JRKL: variants seen among roughly 807,000 people sequenced by gnomAD.
JRKL encodes the protein jerky protein homolog-like.
In JRKL, 25 loss-of-function variants were observed where a neutral mutation model predicts 34.7. The observed-to-expected ratio is 0.72, with a 90% CI of 0.53 to 1.01. The LOEUF (loss-of-function observed/expected upper bound fraction) is 1.01, where lower values mean the gene tolerates loss of function less well. Ranked by LOEUF, JRKL falls within the 50% of genes least tolerant of loss-of-function variation. The pLI, the probability that JRKL is intolerant of heterozygous loss-of-function variation, is 0.00. For synonymous variants in JRKL, 204 were observed against 212.8 expected (o/e 0.96, Z 0.36); for missense variants, 495 against 615.7 (o/e 0.80, Z 2.07).
In JRKL at chr11:96,391,029, C is replaced by G. The variant is rs747629344; in HGVS notation, c.380C>G (p.Thr127Ser). 6.2e-7 allele frequency: 1 copy of G among 1,614,194 alleles called. No individual in the cohort carries two copies. Among genetic ancestry groups the G allele is most frequent in the African/African-American group, 1.3e-5 (1 of 75,034 alleles). Residue 127 changes from threonine to serine, a missense_variant, in exon 2 of 2, where the codon ACT becomes AGT. Transcript: ENST00000332349. ...TTTAACCCCTCTGCCGGTTGGCTAA[C>G]TCGTTTTAAGCAGCGGCACAGCATT... Reference protein sequence around the residue: ...GDFNPSAGWLTRFKQRHSIRE... With the variant: ...GDFNPSAGWLSRFKQRHSIRE...
In JRKL at chr11:96,390,970, GTTC is replaced by G. The variant is rs746708322; in HGVS notation, c.327_329del (p.Phe110del). On this transcript the variant is annotated inframe_deletion, in exon 2 of 2. Transcript: ENST00000332349. Reference sequence around the variant, plus strand: ...GACCAATTTGTGCAAAAAGGGCAGAGTTCTTCTTTTATGCTTTGGGAATGGATG... The same window carrying G: ...GACCAATTTGTGCAAAAAGGGCAGAGTTCTTTTATGCTTTGGGAATGGATG... The G allele has an allele frequency of 6.8e-6, 11 of 1,614,166 alleles. No homozygotes were observed. The highest frequency in any genetic ancestry group is 8.5e-6 in the Non-Finnish European group (10 of 1,180,018).
chr11:96,391,194 T>C lies in JRKL; in HGVS notation c.545T>C (p.Phe182Ser). 1 of 1,558,126 alleles carries C rather than the reference T, an allele frequency of 6.4e-7. No homozygotes were observed. Among genetic ancestry groups the C allele is most frequent in the East Asian group, 2.4e-5 (1 of 41,300 alleles). Reference protein sequence around the residue: ...QIYNADETGLFWKCLPSRISV... With the variant: ...QIYNADETGLSWKCLPSRISV... ...TACAATGCAGATGAAACTGGACTCT[T>C]TTGGAAGTGCTTGCCTTCTAGGATT... The change falls in exon 2 of 2, where the codon TTT becomes TCT. Residue 182 changes from phenylalanine to serine, a missense_variant. Physicochemically the swap from Phe to Ser is radical, Grantham distance 155 (BLOSUM62 -2). Transcript: ENST00000332349.
rs779466712 is a variant in JRKL at position 96,390,947 on chromosome 11, C to T, written c.298C>T (p.Pro100Ser). The T allele has an allele frequency of 1.2e-6, 2 of 1,614,112 alleles. No homozygotes were observed. Among genetic ancestry groups the T allele is most frequent in the East Asian group, 2.2e-5 (1 of 44,884 alleles). Reference sequence around the variant, plus strand: ...AGCAAAAGGGAATCCCATATCTGGACCAATTTGTGCAAAAAGGGCAGAGTT... The same window carrying T: ...AGCAAAAGGGAATCCCATATCTGGATCAATTTGTGCAAAAAGGGCAGAGTT... ...QRAKGNPISG[P>S]ICAKRAEFFF... Residue 100 changes from proline to serine, a missense_variant, in exon 2 of 2, where the codon CCA (proline) becomes TCA (serine). Transcript: ENST00000332349.
rs1866564368 is a variant in JRKL at position 96,392,749 on chromosome 11, A to G, written c.*525A>G. 1 of 167,120 alleles carries G rather than the reference A, an allele frequency of 6.0e-6. No individual in the cohort carries two copies. Among genetic ancestry groups the G allele is most frequent in the Non-Finnish European group, 1.5e-5 (1 of 68,130 alleles). 10.4% of individuals were successfully genotyped at this position (167,120 alleles called of 1,614,324 possible). A position where few individuals can be genotyped will look rare whatever the true frequency, so the allele number is the denominator to read the frequency against. On this transcript the variant is annotated 3_prime_UTR_variant, in exon 2 of 2. Transcript: ENST00000332349. ...GGGGAAATAATTATGAATTATAGAAATTATGCCTTCATTCTCTTACATTTG... is the reference window on the plus strand; with the variant it reads ...GGGGAAATAATTATGAATTATAGAAGTTATGCCTTCATTCTCTTACATTTG...
chr11:96,392,194 TAAAC>T lies in JRKL; in HGVS notation c.1547_1550del (p.Lys516ArgfsTer3). 6.3e-7 allele frequency: 1 copy of T among 1,592,614 alleles called. No individual in the cohort carries two copies. Among genetic ancestry groups the T allele is most frequent in the African/African-American group, 1.4e-5 (1 of 73,974 alleles). On this transcript the variant is annotated frameshift_variant, in exon 2 of 2. Transcript: ENST00000332349. LOFTEE classifies it high-confidence loss of function. Reference sequence around the variant, plus strand: ...GTAAACTTCGAGCCACCATCAGAAATAAACAGAAGATGACAAAGTCAAGTCAATA... The same window carrying T: ...GTAAACTTCGAGCCACCATCAGAAATAGAAGATGACAAAGTCAAGTCAATA...
rs139608079 is a variant in JRKL at position 96,391,123 on chromosome 11, C to T, written c.474C>T (p.Asn158=). The part of the protein sequence containing the change: ...DETAVEDFCN[N]FRDFIERENL... ...CTGCGGTGGAAGATTTTTGTAATAA[C>T]TTTCGAGATTTTATTGAACGAGAGA... is the stretch of plus-strand genomic sequence containing the variant. Residue 158 remains asparagine, a synonymous_variant, in exon 2 of 2, where the codon AAC becomes AAT. Transcript: ENST00000332349. The T allele has an allele frequency of 1.2e-6, 2 of 1,612,840 alleles. No homozygotes were observed. Among genetic ancestry groups the T allele is most frequent in the South Asian group, 1.1e-5 (1 of 90,934 alleles).
rs1289414275 is a variant in JRKL, at chr11:96,391,570, T to C, written c.921T>C (p.Asp307=). The C allele has an allele frequency of 1.3e-6, 2 of 1,581,204 alleles. No homozygotes were observed. The highest frequency in any genetic ancestry group is 1.8e-5 in the Admixed American group (1 of 54,952). ...HPNENVLRSD[D]GQIFAKYLPP... Reference sequence around the variant, plus strand: ...ATGAAAATGTCCTAAGGTCAGATGATGGCCAAATATTTGCTAAATATTTAC... The same window carrying C: ...ATGAAAATGTCCTAAGGTCAGATGACGGCCAAATATTTGCTAAATATTTAC... The change falls in exon 2 of 2, where the codon GAT becomes GAC. Residue 307 remains aspartate (D), a synonymous_variant. Coordinates refer to ENST00000332349, the MANE Select transcript of JRKL (RefSeq NM_001261833.2).
Position 96,391,450 on chromosome 11 carries a change from T to A in JRKL, c.801T>A (p.Asp267Glu). The A allele has an allele frequency of 6.4e-7, 1 of 1,551,748 alleles. No homozygotes were observed. Among genetic ancestry groups the A allele is most frequent in the Non-Finnish European group, 8.7e-7 (1 of 1,146,988 alleles). The stretch of plus-strand genomic sequence containing the variant: ...TTTCCATTTTCCGACAATGGTTTGA[T>A]AAAATTTTTGTGCCGCAAGTTCGAG... The part of the protein sequence containing the change: ...MDLSIFRQWF[D>E]KIFVPQVREY... The change falls in exon 2 of 2, where the codon GAT becomes GAA. Residue 267 changes from aspartate to glutamate, a missense_variant. Physicochemically the swap from Asp to Glu is conservative, Grantham distance 45. Coordinates refer to ENST00000332349, the MANE Select transcript of JRKL (RefSeq NM_001261833.2).
In JRKL at chr11:96,393,246, G is replaced by T. The variant is rs1445052456; in HGVS notation, c.*1022G>T. ...GGAAATTACAATAATAAAGTTTTAT[G>T]ATTTTAAATAAGTCATATGTTTGTA... On this transcript the variant is annotated 3_prime_UTR_variant, in exon 2 of 2. Transcript: ENST00000332349. 6.1e-6 allele frequency: 1 copy of T among 164,596 alleles called. No homozygotes were observed. The highest frequency in any genetic ancestry group is 2.5e-5 in the African/African-American group (1 of 40,690). The allele number at this position is 164,596 out of a possible 1,614,324, so 10.2% of individuals were successfully genotyped here. A position where few individuals can be genotyped will look rare whatever the true frequency, so the allele number is the denominator to read the frequency against.
At position 96,392,458 on chromosome 11, in the gene JRKL, T is replaced by TA; in HGVS notation, c.*235dup. On this transcript the variant is annotated 3_prime_UTR_variant, in exon 2 of 2. Transcript: ENST00000332349. Reference sequence around the variant, plus strand: ...TAGATATAAATTACATGTACACATGTATTCACTTTTTAGAATCTGCAATTA... The same window carrying TA: ...TAGATATAAATTACATGTACACATGTAATTCACTTTTTAGAATCTGCAATTA... The TA allele has an allele frequency of 1.8e-5, 8 of 438,270 alleles. No homozygotes were observed. The highest frequency in any genetic ancestry group is 5.9e-5 in the South Asian group (1 of 17,036). 27.1% of individuals were successfully genotyped at this position (438,270 alleles called of 1,614,324 possible).
chr11:96,391,127 C>T lies in JRKL; in HGVS notation c.478C>T (p.Arg160Ter), dbSNP rs769156309. The T allele has an allele frequency of 3.7e-6, 6 of 1,612,020 alleles. No homozygotes were observed. Among genetic ancestry groups the T allele is most frequent in the Admixed American group, 1.7e-5 (1 of 59,720 alleles). Residue 160 changes from arginine to a stop codon, truncating the protein, a stop_gained, in exon 2 of 2, where the codon CGA (arginine) becomes TGA (stop). Coordinates refer to ENST00000332349, the MANE Select transcript of JRKL (RefSeq NM_001261833.2). LOFTEE classifies it high-confidence loss of function. ...GGTGGAAGATTTTTGTAATAACTTT[C>T]GAGATTTTATTGAACGAGAGAATTT... ...TAVEDFCNNF[R>*]DFIERENLQP... is the part of the protein sequence containing the mutation.
At position 96,391,412 on chromosome 11, in the gene JRKL, G is replaced by T; in HGVS notation, c.763G>T (p.Ala255Ser). Reference sequence around the variant, plus strand: ...AGTCTCTTATTTCAGCCAAAAAGGTGCATGGATGGATCTTTCCATTTTCCG... The same window carrying T: ...AGTCTCTTATTTCAGCCAAAAAGGTTCATGGATGGATCTTTCCATTTTCCG... Reference protein sequence around the residue: ...LPVSYFSQKGAWMDLSIFRQW... With the variant: ...LPVSYFSQKGSWMDLSIFRQW... Residue 255 changes from alanine (A) to serine (S), a missense_variant, in exon 2 of 2, where the codon GCA becomes TCA. Coordinates refer to ENST00000332349, the MANE Select transcript of JRKL (RefSeq NM_001261833.2). 3 of 1,551,686 alleles carry T rather than the reference G, an allele frequency of 1.9e-6. No homozygotes were observed. Among genetic ancestry groups the T allele is most frequent in the Non-Finnish European group, 2.6e-6 (3 of 1,146,994 alleles).
rs1243597342 is a variant in JRKL, at chr11:96,393,151, T to G, written c.*927T>G. ...TTTTTTTTTTTTTTTTTTAGTGTTT[T>G]TACTGCATACTCACAAATGTTGTCT... On this transcript the variant is annotated 3_prime_UTR_variant, in exon 2 of 2. Coordinates refer to ENST00000332349, the MANE Select transcript of JRKL (RefSeq NM_001261833.2). 1 of 166,034 alleles carries G rather than the reference T, an allele frequency of 6.0e-6. No homozygotes were observed. Among genetic ancestry groups the G allele is most frequent in the African/African-American group, 2.4e-5 (1 of 41,360 alleles). The allele number at this position is 166,034 out of a possible 1,614,324, so 10.3% of individuals were successfully genotyped here.
rs768255994 is a variant in JRKL, at chr11:96,390,818, A to G, written c.169A>G (p.Ser57Gly). Residue 57 changes from serine to glycine, a missense_variant, in exon 2 of 2, where the codon AGC becomes GGC. Coordinates refer to ENST00000332349, the MANE Select transcript of JRKL (RefSeq NM_001261833.2). ...TAAGGAAAAGATTATAACTTATGCA[A>G]GCAGTTCTGATTCCACAAGTCTTTT... is the stretch of plus-strand genomic sequence containing the variant. ...KNKEKIITYASSSDSTSLLAK... is the reference protein window; with the variant it reads ...KNKEKIITYAGSSDSTSLLAK... The G allele has an allele frequency of 6.2e-7, 1 of 1,613,316 alleles. No homozygotes were observed. Among genetic ancestry groups the G allele is most frequent in the Non-Finnish European group, 8.5e-7 (1 of 1,179,800 alleles).
rs985343724 is a variant in JRKL at position 96,392,803 on chromosome 11, T to C, written c.*579T>C. 1 of 167,018 alleles carries C rather than the reference T, an allele frequency of 6.0e-6. No homozygotes were observed. The highest frequency in any genetic ancestry group is 1.5e-5 in the Non-Finnish European group (1 of 68,088). The allele number at this position is 167,018 out of a possible 1,614,324, so 10.3% of individuals were successfully genotyped here. A position where few individuals can be genotyped will look rare whatever the true frequency, so the allele number is the denominator to read the frequency against. On this transcript the variant is annotated 3_prime_UTR_variant, in exon 2 of 2. Transcript: ENST00000332349. ...GGGTTGCAAGAGGGGGAGATTATTC[T>C]GGAAATGAAGTAAATATGGGAAGTT... is the stretch of plus-strand genomic sequence containing the variant.
In JRKL at chr11:96,390,567, T is replaced by A; in HGVS notation, c.-83T>A. 6.7e-7 allele frequency: 1 copy of A among 1,485,102 alleles called. No individual in the cohort carries two copies. The highest frequency in any genetic ancestry group is 1.4e-5 in the South Asian group (1 of 71,214). 92.0% of individuals were successfully genotyped at this position (1,485,102 alleles called of 1,614,324 possible). On this transcript the variant is annotated 5_prime_UTR_variant, in exon 2 of 2. Coordinates refer to ENST00000332349, the MANE Select transcript of JRKL (RefSeq NM_001261833.2). ...GATGAAAGACTGAGTGTGTTAAGAC[T>A]GTTGAAGTGAGCCTGTGTAAGAGAA...
chr11:96,391,019 G>C lies in JRKL; in HGVS notation c.370G>C (p.Gly124Arg), dbSNP rs139793646. The C allele has an allele frequency of 6.2e-6, 10 of 1,614,166 alleles. No individual in the cohort carries two copies. The highest frequency in any genetic ancestry group is 8.5e-6 in the Non-Finnish European group (10 of 1,180,030). ...GGATGGTGATTTTAACCCCTCTGCC[G>C]GTTGGCTAACTCGTTTTAAGCAGCG... ...GMDGDFNPSAGWLTRFKQRHS... is the reference protein window; with the variant it reads ...GMDGDFNPSARWLTRFKQRHS... Residue 124 changes from glycine to arginine, a missense_variant, in exon 2 of 2, where the codon GGT (glycine) becomes CGT (arginine). Gly to Arg is a moderately radical substitution (Grantham distance 125). Coordinates refer to ENST00000332349, the MANE Select transcript of JRKL (RefSeq NM_001261833.2).
chr11:96,391,114 T>C lies in JRKL; in HGVS notation c.465T>C (p.Phe155=), dbSNP rs758919576. ...GAGATGAGACTGCGGTGGAAGATTT[T>C]TGTAATAACTTTCGAGATTTTATTG... The part of the protein sequence containing the change: ...LNGDETAVED[F]CNNFRDFIER... Residue 155 remains phenylalanine, a synonymous_variant, in exon 2 of 2, where the codon TTT becomes TTC. Transcript: ENST00000332349. The C allele has an allele frequency of 1.9e-6, 3 of 1,613,704 alleles. No individual in the cohort carries two copies. Among genetic ancestry groups the C allele is most frequent in the Admixed American group, 1.7e-5 (1 of 59,952 alleles).
At position 96,391,474 on chromosome 11, in the gene JRKL, A is replaced by G. The variant is rs1280448707; in HGVS notation, c.825A>G (p.Arg275=). The part of the protein sequence containing the change: ...WFDKIFVPQV[R]EYLRSKGLQE... ...ATAAAATTTTTGTGCCGCAAGTTCG[A>G]GAGTATTTAAGATCTAAAGGCTTGC... The change falls in exon 2 of 2, where the codon CGA becomes CGG. Residue 275 remains arginine, a synonymous_variant. Coordinates refer to ENST00000332349, the MANE Select transcript of JRKL (RefSeq NM_001261833.2). 1 of 1,551,842 alleles carries G rather than the reference A, an allele frequency of 6.4e-7. No individual in the cohort carries two copies. The highest frequency in any genetic ancestry group is 1.4e-5 in the African/African-American group (1 of 73,154).
Sources: allele counts gnomAD v4.1 joint callset, GRCh38; gene constraint gnomAD v4.1.1; transcripts MANE v1.5; gene names NCBI Gene and HGNC (gene_info 2026-07-23, HGNC 2026-07-21).